ADGRB3: variants seen among roughly 807,000 people sequenced by gnomAD.
The protein encoded by ADGRB3 is adhesion G protein-coupled receptor B3, also known as brain-specific angiogenesis inhibitor 3.
Under a neutral mutation model 193.4 loss-of-function variants are expected in ADGRB3, and 37 were observed. The observed-to-expected ratio is 0.19, with a 90% confidence interval of 0.15 to 0.25. The LOEUF (loss-of-function observed/expected upper bound fraction) is 0.25. Among genes scored for constraint, ADGRB3 ranks in the 10% least tolerant of loss-of-function variants. The pLI, the probability that ADGRB3 is intolerant of heterozygous loss-of-function variation, is 1.00. For missense variants in ADGRB3, 1,637 were observed against 1,852.9 expected (o/e 0.88, Z 2.14); for synonymous variants, 690 against 644.2 (o/e 1.07, Z -1.08).
chr6:68,870,558 G>C (rs1355715631), intron 3 of ADGRB3, among the ~76,000 whole-genome samples: 1 of 152,038 alleles, frequency 6.6e-6, no homozygotes, highest in Non-Finnish European at 1.5e-5. Context: ...TTTGACCCTT[G>C]AGTTAATCCA....
chr6:68,727,399 A>G (rs1240390159), intron 3 of ADGRB3, among the ~76,000 whole-genome samples: 1 of 151,614 alleles, frequency 6.6e-6, no homozygotes, highest in Non-Finnish European at 1.5e-5. Flanking sequence ...ATTGAATGTA[A>G]TTAAGGTTAT....
rs1766773645 is a variant in ADGRB3 at position 69,256,449 on chromosome 6, T to G, written c.2814+17223T>G. Among the ~76,000 whole-genome samples the G allele has an allele frequency of 1.3e-5, 2 of 152,186 alleles. 1 individual carries two copies. Among genetic ancestry groups the G allele is most frequent in the South Asian group, 4.1e-4 (2 of 4,828 alleles). On this transcript the variant is annotated intron_variant, in intron 20 of 31. Transcript: ENST00000370598. ...TTGTAAGGTGGATTCCTAGGTATTT[T>G]ATTCTCTTTGAAGCAATTGTGAATG...
At chr6:69,142,418 G>T (rs771412098) in intron 17 of ADGRB3, among the ~76,000 whole-genome samples, 1 of 152,180 alleles carries the variant, frequency 6.6e-6, no homozygotes, top group Admixed American at 6.5e-5. Context: ...TTCATGCATG[G>T]CCATTTAGTT....
intron 17 of ADGRB3, among the ~76,000 whole-genome samples, chr6:69,220,881 C>T (rs1186234345): frequency 6.6e-6 from 1 of 151,714 alleles, no homozygotes; most frequent in African/African-American, 2.4e-5. Flanking sequence ...CATTCTTCCC[C>T]TTTATCACTA....
In ADGRB3 at chr6:68,951,047, C is replaced by G. The variant is rs563398461; in HGVS notation, c.1196-4977C>G. Among the ~76,000 whole-genome samples the G allele has an allele frequency of 2.0e-5, 3 of 152,260 alleles. No homozygotes were observed. In the South Asian group the frequency reaches 6.2e-4, roughly 32 times the overall value. On this transcript the variant is annotated intron_variant, in intron 6 of 31. Transcript: ENST00000370598. ...TCTCCTTTTCCAGGATCCCCACAAG[C>G]CCCAGTCTTCTCTCTGTTCCTGAAC...
chr6:69,062,215 A>T (rs890654541), intron 15 of ADGRB3, among the ~76,000 whole-genome samples: 1 of 151,926 alleles, frequency 6.6e-6, no homozygotes, highest in Non-Finnish European at 1.5e-5. Context: ...ACCTACATAT[A>T]CTAGAAAAAG....
chr6:68,728,553 GCTTT>G (rs1765716005), intron 3 of ADGRB3, among the ~76,000 whole-genome samples: 1 of 151,316 alleles, frequency 6.6e-6, no homozygotes, highest in Non-Finnish European at 1.5e-5. Context: ...TGTTTTCTAG[GCTTT>G]CTTCTAAATT....
At chr6:68,803,814 G>T (rs994569241) in intron 3 of ADGRB3, among the ~76,000 whole-genome samples, 4 of 152,142 alleles carry the variant, frequency 2.6e-5, no homozygotes, top group Admixed American at 6.5e-5. Flanking sequence ...ATACATTTAA[G>T]TGTTAACTTC....
chr6:69,340,001 A>G (rs550283893), intron 26 of ADGRB3, among the ~76,000 whole-genome samples: 3 of 152,306 alleles, frequency 2.0e-5, no homozygotes, highest in African/African-American at 7.2e-5. Flanking sequence ...TTTTGTCTCT[A>G]TACTAAGTTT....
chr6:69,294,825 A>C (rs1026264047), intron 20 of ADGRB3, among the ~76,000 whole-genome samples: 10 of 152,126 alleles, frequency 6.6e-5, no homozygotes, highest in Non-Finnish European at 1.5e-4. Flanking sequence ...ATATCTGAAT[A>C]CCAATCTTTG....
At chr6:69,132,851 C>G (rs1774048604) in intron 17 of ADGRB3, among the ~76,000 whole-genome samples, 1 of 152,230 alleles carries the variant, frequency 6.6e-6, no homozygotes, top group South Asian at 2.1e-4. Context: ...TATGGCTAGC[C>G]AGTTTTCTAG....
At position 69,250,124 on chromosome 6, in the gene ADGRB3, A is replaced by G. The variant is rs140989648; in HGVS notation, c.2814+10898A>G. ...ATACACATAGTTTTCATATATCTCT[A>G]TAGATGTGTCTTTGGTAGATGATAC... is the stretch of plus-strand genomic sequence containing the variant. On this transcript the variant is annotated intron_variant, in intron 20 of 31. Transcript: ENST00000370598. Among the ~76,000 whole-genome samples, 220 of 152,292 alleles carry G rather than the reference A, an allele frequency of 1.4e-3. 2 individuals are homozygous for G. Among genetic ancestry groups the G allele is most frequent in the African/African-American group, 5.0e-3 (206 of 41,574 alleles).
intron 26 of ADGRB3, among the ~76,000 whole-genome samples, chr6:69,341,448 T>C (rs1488959235): frequency 6.6e-6 from 1 of 152,128 alleles, no homozygotes; most frequent in Non-Finnish European, 1.5e-5. Flanking sequence ...AACCCACATG[T>C]ATTCTAAGAA....
At chr6:68,661,726 AG>A (rs1768667022) in intron 3 of ADGRB3, among the ~76,000 whole-genome samples, 1 of 150,690 alleles carries the variant, frequency 6.6e-6, no homozygotes, top group Non-Finnish European at 1.5e-5. Flanking sequence ...GAACTTCAGA[AG>A]GAATTTGTGA....
chr6:68,747,683 G>T (rs1272483549), intron 3 of ADGRB3, among the ~76,000 whole-genome samples: 1 of 152,168 alleles, frequency 6.6e-6, no homozygotes, highest in African/African-American at 2.4e-5. Flanking sequence ...TGAAATGGAA[G>T]AATCTTTGAA....
chr6:68,919,397 T>C (rs918033338), intron 3 of ADGRB3, among the ~76,000 whole-genome samples: 2 of 152,344 alleles, frequency 1.3e-5, no homozygotes, highest in Admixed American at 1.3e-4. Flanking sequence ...TTTTAATAAA[T>C]GCTGTTAGCA....
At chr6:68,966,525 T>A (rs2150261078) in intron 8 of ADGRB3, among the ~76,000 whole-genome samples, 1 of 152,272 alleles carries the variant, frequency 6.6e-6, no homozygotes, top group Non-Finnish European at 1.5e-5. Context: ...CCCTGGATTT[T>A]CCCACATGTG....
intron 16 of ADGRB3, among the ~76,000 whole-genome samples, chr6:69,075,249 T>C (rs1480629338): frequency 6.6e-6 from 1 of 152,152 alleles, no homozygotes; most frequent in Admixed American, 6.5e-5. Context: ...ACAGTATATG[T>C]TTAATGGATA....
intron 3 of ADGRB3, among the ~76,000 whole-genome samples, chr6:68,865,180 A>G (rs566837661): frequency 6.6e-6 from 1 of 152,310 alleles, no homozygotes; most frequent in Admixed American, 6.5e-5. Context: ...AGGAGTTTCA[A>G]AACATATTTT....
Sources: allele counts gnomAD v4.1 joint callset (sites outside exome capture counted in the v4.1 genomes callset), GRCh38; gene constraint gnomAD v4.1.1; transcripts MANE v1.5; gene names NCBI Gene and HGNC (gene_info 2026-07-23, HGNC 2026-07-21).